KCNIP4: variants seen among roughly 807,000 people sequenced by gnomAD.
KCNIP4 encodes the protein potassium voltage-gated channel interacting protein 4.
Under a neutral mutation model 34.0 loss-of-function variants are expected in KCNIP4, and 12 were observed. The ratio of observed to expected loss-of-function variants is 0.35; its 90% CI spans 0.23 to 0.57. The LOEUF (loss-of-function observed/expected upper bound fraction) is 0.57, where lower values mean the gene tolerates loss of function less well. Ranked by LOEUF, KCNIP4 falls within the 20% of genes least tolerant of loss-of-function variation. KCNIP4 has a pLI of 0.83. For missense variants in KCNIP4, 238 were observed against 311.7 expected (o/e 0.76, Z 1.78); for synonymous variants, 124 against 102.2 (o/e 1.21, Z -1.29).
At chr4:21,847,454 T>C (rs545262064) in intron 1 of KCNIP4, 8 of 152,248 alleles carry the variant, frequency 5.3e-5, no homozygotes, top group African/African-American at 1.7e-4. Flanking sequence ...CTACCACTTA[T>C]TTTAGAAACT....
chr4:21,309,419 T>C (rs1375338397), intron 1 of KCNIP4, among the ~76,000 whole-genome samples: 3 of 152,198 alleles, frequency 2.0e-5, no homozygotes, highest in Admixed American at 2.0e-4. Flanking sequence ...TTATTAAGTA[T>C]TTCATACCTG....
At chr4:20,882,515 A>G in intron 2 of KCNIP4, 93 bp downstream of exon 2, 1 of 834,550 alleles carries the variant, frequency 1.2e-6, no homozygotes, top group Non-Finnish European at 2.0e-6. Context: ...TGTAGAATAT[A>G]CTGATTCTTT....
intron 1 of KCNIP4, among the ~76,000 whole-genome samples, chr4:21,765,871 G>T (rs1718386233): frequency 6.9e-6 from 1 of 144,496 alleles, no homozygotes; most frequent in Non-Finnish European, 1.5e-5. Flanking sequence ...AGGACAGAAA[G>T]AGAGAGACAG....
At chr4:21,809,905 C>T (rs571106616) in intron 1 of KCNIP4, among the ~76,000 whole-genome samples, 32 of 152,294 alleles carry the variant, frequency 2.1e-4, no homozygotes, top group African/African-American at 6.3e-4. Flanking sequence ...TTAGAACTGA[C>T]ATCCTAGAAA....
intron 1 of KCNIP4, among the ~76,000 whole-genome samples, chr4:21,136,633 G>C (rs1383936052): frequency 6.6e-6 from 1 of 151,974 alleles, no homozygotes; most frequent in Non-Finnish European, 1.5e-5. Flanking sequence ...ATTCTCTTGG[G>C]ATGCAGGTTT....
At chr4:21,822,515 CTT>C (rs1209651455) in intron 1 of KCNIP4, among the ~76,000 whole-genome samples, 1 of 152,106 alleles carries the variant, frequency 6.6e-6, no homozygotes, top group Admixed American at 6.6e-5. Context: ...AAATTTATCT[CTT>C]GTTAGTTTCT....
chr4:21,836,612 G>A (rs1723336818), intron 1 of KCNIP4, among the ~76,000 whole-genome samples: 1 of 152,138 alleles, frequency 6.6e-6, no homozygotes, highest in South Asian at 2.1e-4. Flanking sequence ...TTAACATGAT[G>A]CCTTACTTCA....
intron 2 of KCNIP4, among the ~76,000 whole-genome samples, chr4:20,857,343 G>A (rs1334425587): frequency 6.6e-6 from 1 of 152,148 alleles, no homozygotes; most frequent in Non-Finnish European, 1.5e-5. Flanking sequence ...CCTTGTAAGA[G>A]CCTGTATTTT....
At chr4:21,123,468 C>A (rs978167696) in intron 1 of KCNIP4, among the ~76,000 whole-genome samples, 3 of 152,072 alleles carry the variant, frequency 2.0e-5, no homozygotes, top group Non-Finnish European at 4.4e-5. Flanking sequence ...GATTTCAGAG[C>A]CTCTTTACGC....
intron 1 of KCNIP4, among the ~76,000 whole-genome samples, chr4:21,431,149 G>A (rs1726406099): frequency 6.6e-6 from 1 of 151,590 alleles, no homozygotes; most frequent in Admixed American, 6.6e-5. Flanking sequence ...GAAGGAGAAG[G>A]GCAAGGATAT....
chr4:21,592,793 T>C (rs1186776878), intron 1 of KCNIP4, among the ~76,000 whole-genome samples: 2 of 152,110 alleles, frequency 1.3e-5, no homozygotes, highest in Non-Finnish European at 1.5e-5. Context: ...TAAGGTGTCA[T>C]AGAGGAAAGT....
At chr4:21,537,795 C>T (rs1342635820) in intron 1 of KCNIP4, among the ~76,000 whole-genome samples, 2 of 151,950 alleles carry the variant, frequency 1.3e-5, no homozygotes, top group South Asian at 2.1e-4. Flanking sequence ...GGCCGGATCA[C>T]GAGGTCAGGA....
chr4:21,206,986 G>GT (rs1756895765), intron 1 of KCNIP4, among the ~76,000 whole-genome samples: 1 of 152,160 alleles, frequency 6.6e-6, no homozygotes, highest in Non-Finnish European at 1.5e-5. Flanking sequence ...TCCTAAAAAT[G>GT]TTTTTGGCAG....
chr4:21,639,367 C>T (rs146823966), intron 1 of KCNIP4, among the ~76,000 whole-genome samples: 9 of 152,110 alleles, frequency 5.9e-5, no homozygotes, highest in East Asian at 1.9e-4. Flanking sequence ...CAAAAAGACA[C>T]GAAATACCTA....
intron 1 of KCNIP4, among the ~76,000 whole-genome samples, chr4:21,126,235 G>A (rs1454947041): frequency 6.6e-6 from 1 of 152,106 alleles, no homozygotes; most frequent in Non-Finnish European, 1.5e-5. Context: ...GGAAGTCCAG[G>A]GCTGAAATCA....
At chr4:21,174,323 A>T (rs1172591552) in intron 1 of KCNIP4, among the ~76,000 whole-genome samples, 1 of 152,186 alleles carries the variant, frequency 6.6e-6, no homozygotes, top group African/African-American at 2.4e-5. Flanking sequence ...TGGTTGTTAG[A>T]CTGTCCTGTG....
intron 1 of KCNIP4, among the ~76,000 whole-genome samples, chr4:21,517,799 A>G (rs545265186): frequency 2.0e-5 from 3 of 152,270 alleles, no homozygotes; most frequent in South Asian, 2.1e-4. Context: ...TGGGAGTACA[A>G]TGCCACCACT....
chr4:21,682,976 G>C (rs1173393305), intron 1 of KCNIP4, among the ~76,000 whole-genome samples: 1 of 152,184 alleles, frequency 6.6e-6, no homozygotes. Context: ...AACATGAAGT[G>C]AACATGTGTT....
intron 1 of KCNIP4, among the ~76,000 whole-genome samples, chr4:20,988,655 G>A (rs1736808718): frequency 6.6e-6 from 1 of 152,146 alleles, no homozygotes; most frequent in South Asian, 2.1e-4. Context: ...GAATCACAAT[G>A]TATATAGAAA....
Sources: gnomAD v4.1 joint callset for allele counts (sites outside exome capture counted in the v4.1 genomes callset) on GRCh38, gnomAD v4.1.1 for gene constraint, MANE v1.5 for transcripts, NCBI Gene and HGNC (gene_info 2026-07-23, HGNC 2026-07-21) for gene names.